Variants in PDE7B observed in about 807,000 individuals in gnomAD.
PDE7B encodes 3',5'-cyclic-AMP phosphodiesterase 7B.
A neutral mutation model predicts 56.2 loss-of-function variants in PDE7B; 29 were observed. That is an observed-to-expected ratio of 0.52 (90% CI 0.38 to 0.70). PDE7B has a LOEUF of 0.70. Ranked by LOEUF, PDE7B falls within the 30% of genes least tolerant of loss-of-function variation. The pLI, the probability that PDE7B is intolerant of heterozygous loss-of-function variation, is 0.00. For synonymous variants in PDE7B, 197 were observed against 196.9 expected, an observed-to-expected ratio of 1.00 and a Z score of 0.00; for missense variants, 490 against 565.0, an observed-to-expected ratio of 0.87 and a Z score of 1.35.
At chr6:135,887,264 T>C (rs1775726410) in intron 1 of PDE7B, among the ~76,000 whole-genome samples, 2 of 152,236 alleles carry the variant, frequency 1.3e-5, no homozygotes, top group African/African-American at 4.8e-5. Context: ...TGGATACTAG[T>C]CCTTTGTTGA....
chr6:136,180,377 C>T (rs1338702009), intron 10 of PDE7B, among the ~76,000 whole-genome samples: 1 of 152,204 alleles, frequency 6.6e-6, no homozygotes, highest in Non-Finnish European at 1.5e-5. Flanking sequence ...CAAATGCATT[C>T]CTTAAGGCAG....
At chr6:136,122,781 G>A (rs957811284) in intron 3 of PDE7B, among the ~76,000 whole-genome samples, 1 of 152,170 alleles carries the variant, frequency 6.6e-6, no homozygotes, top group African/African-American at 2.4e-5. Flanking sequence ...GAAGCACTAA[G>A]GAAGTAGAGA....
At chr6:136,026,806 C>T (rs527724772) in intron 2 of PDE7B, among the ~76,000 whole-genome samples, 1 of 152,268 alleles carries the variant, frequency 6.6e-6, no homozygotes, top group East Asian at 1.9e-4. Flanking sequence ...GGGCTCAGGT[C>T]TGTGGGAATC....
intron 1 of PDE7B, among the ~76,000 whole-genome samples, chr6:135,905,135 G>A (rs1474769861): frequency 6.6e-6 from 1 of 152,198 alleles, no homozygotes; most frequent in African/African-American, 2.4e-5. Flanking sequence ...CCACATTATA[G>A]TATCAGTGTA....
At chr6:135,996,479 G>A (rs566399898) in intron 2 of PDE7B, among the ~76,000 whole-genome samples, 26 of 152,198 alleles carry the variant, frequency 1.7e-4, no homozygotes, top group Middle Eastern at 3.4e-3. Context: ...ACATAATACC[G>A]TATTAGTTTT....
intron 3 of PDE7B, among the ~76,000 whole-genome samples, chr6:136,121,049 A>G: frequency 6.6e-6 from 1 of 152,116 alleles, no homozygotes; most frequent in East Asian, 1.9e-4. Flanking sequence ...AATATCATCT[A>G]TAAGGAAGGT....
At chr6:136,132,080 T>C (rs910370977) in intron 3 of PDE7B, among the ~76,000 whole-genome samples, 10 of 152,142 alleles carry the variant, frequency 6.6e-5, no homozygotes, top group Admixed American at 2.6e-4. Context: ...TTAGCAAATT[T>C]TTAAGTATAT....
chr6:135,984,850 A>G (rs4075417), intron 2 of PDE7B, among the ~76,000 whole-genome samples: 73,132 of 151,712 alleles, frequency 0.48, 18,383 homozygotes, highest in African/African-American at 0.62. Context: ...TGCACACGGG[A>G]AGAGCTCAGA....
At chr6:136,054,179 T>C (rs1209046236) in intron 2 of PDE7B, among the ~76,000 whole-genome samples, 1 of 152,242 alleles carries the variant, frequency 6.6e-6, no homozygotes, top group African/African-American at 2.4e-5. Flanking sequence ...AGGGTTTTTA[T>C]GGTTTTAGGT....
At chr6:136,153,350 C>T (rs1312529364) in intron 6 of PDE7B, among the ~76,000 whole-genome samples, 7 of 152,222 alleles carry the variant, frequency 4.6e-5, no homozygotes, top group African/African-American at 1.7e-4. Context: ...AGTCTATACA[C>T]ACTGAATATA....
chr6:135,912,758 C>G (rs1363911854), intron 1 of PDE7B, among the ~76,000 whole-genome samples: 1 of 152,120 alleles, frequency 6.6e-6, no homozygotes, highest in Non-Finnish European at 1.5e-5. Flanking sequence ...CTGAAAATAG[C>G]TTTTAATTTA....
intron 2 of PDE7B, among the ~76,000 whole-genome samples, chr6:136,050,718 G>C (rs1461577472): frequency 6.6e-6 from 1 of 152,044 alleles, no homozygotes; most frequent in Non-Finnish European, 1.5e-5. Context: ...CATGATTCAG[G>C]GCCTGTACTC....
chr6:135,864,291 T>A (rs1775209981), intron 1 of PDE7B, among the ~76,000 whole-genome samples: 1 of 152,142 alleles, frequency 6.6e-6, no homozygotes, highest in South Asian at 2.1e-4. Flanking sequence ...AATGTAAATC[T>A]TTGAATAATT....
intron 1 of PDE7B, among the ~76,000 whole-genome samples, chr6:135,905,800 T>G (rs1443413754): frequency 6.6e-6 from 1 of 152,094 alleles, no homozygotes; most frequent in Non-Finnish European, 1.5e-5. Flanking sequence ...TCCCAGGCCT[T>G]TTTCTGGACA....
chr6:135,995,500 C>T (rs540289959), intron 2 of PDE7B, among the ~76,000 whole-genome samples: 11 of 152,142 alleles, frequency 7.2e-5, no homozygotes. Context: ...GAGTATGAGT[C>T]GATTCAGGGG....
At chr6:135,975,723 C>T (rs1283763144) in intron 2 of PDE7B, among the ~76,000 whole-genome samples, 2 of 152,128 alleles carry the variant, frequency 1.3e-5, no homozygotes, top group African/African-American at 4.8e-5. Context: ...GGTAGATTCT[C>T]AATGAGATTT....
intron 1 of PDE7B, among the ~76,000 whole-genome samples, chr6:135,925,473 C>A (rs1163334627): frequency 6.6e-6 from 1 of 152,152 alleles, no homozygotes; most frequent in Non-Finnish European, 1.5e-5. Context: ...TGAGCTTCTT[C>A]TGTTTACTAC....
At chr6:136,097,789 C>T (rs145123055) in intron 2 of PDE7B, among the ~76,000 whole-genome samples, 166 of 152,116 alleles carry the variant, frequency 1.1e-3, no homozygotes, top group Non-Finnish European at 2.0e-3. Context: ...CTCATCCCGC[C>T]GACCTTGTTC....
intron 2 of PDE7B, among the ~76,000 whole-genome samples, chr6:136,023,576 G>A (rs116781866): frequency 2.8e-4 from 42 of 152,208 alleles, no homozygotes; most frequent in African/African-American, 9.2e-4. Flanking sequence ...TCTGCCCTTC[G>A]AGCAGAGCAT....
Sources: gnomAD v4.1 joint callset for allele counts (sites outside exome capture counted in the v4.1 genomes callset) on GRCh38, gnomAD v4.1.1 for gene constraint, MANE v1.5 for transcripts, NCBI Gene and HGNC (gene_info 2026-07-23, HGNC 2026-07-21) for gene names.